The following SLC17A4 variants were observed in gnomAD, a reference collection of about 807,000 sequenced individuals.
SLC17A4 encodes solute carrier family 17 member 4.
In SLC17A4, 33 loss-of-function variants were observed where a neutral mutation model predicts 52.5. The ratio of observed to expected loss-of-function variants is 0.63; its 90% CI spans 0.48 to 0.84. SLC17A4 has a LOEUF of 0.84. Among genes scored for constraint, SLC17A4 ranks in the 40% least tolerant of loss-of-function variants. The pLI, the probability that SLC17A4 is intolerant of heterozygous loss-of-function variation, is 0.00. For missense variants in SLC17A4, 585 were observed against 597.1 expected, an observed-to-expected ratio of 0.98 and a Z score of 0.21; for synonymous variants, 225 against 216.2, an observed-to-expected ratio of 1.04 and a Z score of -0.36.
At chr6:25,762,157 A>G in intron 2 of SLC17A4, 104 bp downstream of exon 2, 1 of 932,628 alleles carries the variant, frequency 1.1e-6, no homozygotes, top group Non-Finnish European at 1.6e-6. Flanking sequence ...TTTTGTTGAT[A>G]CACATCATTT....
chr6:25,767,172 C>G (rs1229460444), intron 2 of SLC17A4, among the ~76,000 whole-genome samples: 1 of 152,054 alleles, frequency 6.6e-6, no homozygotes, highest in Admixed American at 6.6e-5. Flanking sequence ...AAGCTTATAA[C>G]TTTTAAAAAA....
chr6:25,768,467 T>G, intron 2 of SLC17A4: 1 of 774,386 alleles, frequency 1.3e-6, no homozygotes, highest in South Asian at 5.7e-5. Context: ...AAGATGAAGT[T>G]TAAATACTTC....
intron 1 of SLC17A4, among the ~76,000 whole-genome samples, chr6:25,756,446 G>A (rs1389078948): frequency 6.6e-6 from 1 of 152,122 alleles, no homozygotes; most frequent in Admixed American, 6.5e-5. Context: ...TGACCTAGTT[G>A]CTGTCAATGC....
At chr6:25,778,131 C>A in intron 11 of SLC17A4, 115 bp downstream of exon 11, 1 of 642,386 alleles carries the variant, frequency 1.6e-6, no homozygotes, top group Non-Finnish European at 2.6e-6. Flanking sequence ...CAAAAATAAA[C>A]TAATTTACAT....
chr6:25,779,030 T>G (rs748442682), intron 11 of SLC17A4, 24 bp from the exon 12 acceptor site: 2 of 1,613,010 alleles, frequency 1.2e-6, no homozygotes, highest in East Asian at 4.5e-5. Context: ...TGACCGTTAA[T>G]AACTTGTAAT....
Position 25,776,653 on chromosome 6 carries a change from G to A in SLC17A4, c.1046G>A (p.Gly349Asp). 1 of 1,613,824 alleles carries A rather than the reference G, an allele frequency of 6.2e-7. No individual in the cohort carries two copies. The highest frequency in any genetic ancestry group is 8.5e-7 in the Non-Finnish European group (1 of 1,179,852). The change falls in exon 9 of 12, where the codon GGT becomes GAT. Residue 349 changes from glycine (G) to aspartate (D), a missense_variant. By Grantham distance (94) the Gly-to-Asp change is moderately conservative (BLOSUM62 -1). Coordinates refer to ENST00000377905, the MANE Select transcript of SLC17A4 (RefSeq NM_005495.3). Reference protein sequence around the residue: ...VVGCICIILGGLLADFLLSRK... With the variant: ...VVGCICIILGDLLADFLLSRK... ...GGATGTATCTGCATTATCCTTGGAG[G>A]TCTACTGGCAGACTTTCTTCTCTCC...
intron 2 of SLC17A4, chr6:25,768,430 T>C (rs1306201504): frequency 7.1e-6 from 7 of 980,262 alleles, no homozygotes; most frequent in Non-Finnish European, 8.5e-6. Context: ...CACTAGCAAA[T>C]TTTGTGTAAG....
chr6:25,776,749 G>A, intron 9 of SLC17A4, 22 bp downstream of exon 9: 1 of 1,613,886 alleles, frequency 6.2e-7, no homozygotes, highest in Non-Finnish European at 8.5e-7. Flanking sequence ...ACTGGACACA[G>A]GGGTGAACGT....
chr6:25,770,827 C>G, intron 5 of SLC17A4, 99 bp from the exon 6 acceptor site: 2 of 930,790 alleles, frequency 2.1e-6, no homozygotes, highest in Non-Finnish European at 3.5e-6. Context: ...TGGCTTGAAA[C>G]TCATACCTTC....
intron 2 of SLC17A4, chr6:25,768,523 C>A: frequency 2.5e-6 from 1 of 405,314 alleles, no homozygotes; most frequent in Non-Finnish European, 3.4e-6. Flanking sequence ...CTCTCCCCAG[C>A]CCCAGACAAG....
chr6:25,759,265 A>G (rs1171318462), intron 1 of SLC17A4, among the ~76,000 whole-genome samples: 2 of 152,126 alleles, frequency 1.3e-5, no homozygotes, highest in African/African-American at 2.4e-5. Flanking sequence ...AATAGAATGT[A>G]TATTCTGCAG....
In SLC17A4 at chr6:25,781,144, G is replaced by A. The variant is rs542927236; in HGVS notation, c.*1956G>A. On this transcript the variant is annotated 3_prime_UTR_variant, in exon 12 of 12. Coordinates refer to ENST00000377905, the MANE Select transcript of SLC17A4 (RefSeq NM_005495.3). ...TGGGAATAAGCCTTAAAGAATTCCAGTATTTAATGGTCAGCTGGAGGATGA... is the reference window on the plus strand; with the variant it reads ...TGGGAATAAGCCTTAAAGAATTCCAATATTTAATGGTCAGCTGGAGGATGA... 1 of 150,162 alleles carries A rather than the reference G, an allele frequency of 6.7e-6. No homozygotes were observed. The highest frequency in any genetic ancestry group is 2.1e-4 in the South Asian group (1 of 4,758). 9.3% of individuals were successfully genotyped at this position (150,162 alleles called of 1,614,324 possible). A position where few individuals can be genotyped will look rare whatever the true frequency, so the allele number is the denominator to read the frequency against.
Position 25,770,235 on chromosome 6 carries a change from C to A in SLC17A4, c.466C>A (p.Pro156Thr). Residue 156 changes from proline (P) to threonine (T), a missense_variant, in exon 4 of 12, where the codon CCA (proline) becomes ACA (threonine). Physicochemically the swap from Pro to Thr is conservative, Grantham distance 38 (BLOSUM62 -1). Coordinates refer to ENST00000377905, the MANE Select transcript of SLC17A4 (RefSeq NM_005495.3). ...TTCCTCATTCCTGACCCTCTTCATTCCACTGGCAGCTAATGCGGGAGTGGC... is the reference window on the plus strand; with the variant it reads ...TTCCTCATTCCTGACCCTCTTCATTACACTGGCAGCTAATGCGGGAGTGGC... ...FISSFLTLFI[P>T]LAANAGVALL... 1.2e-6 allele frequency: 2 copies of A among 1,614,118 alleles called. No homozygotes were observed. Among genetic ancestry groups the A allele is most frequent in the Non-Finnish European group, 1.7e-6 (2 of 1,179,990 alleles).
At position 25,770,370 on chromosome 6, in the gene SLC17A4, A is replaced by AT. The variant is rs1250435743; in HGVS notation, c.532-9dup. ...ATGACCTCAGATCTCCAAGAATGGA[A>AT]TTTTTCCCCCCAGGTTATGGTATTA... is the stretch of plus-strand genomic sequence containing the variant. On this transcript the variant is annotated splice_polypyrimidine_tract_variant and intron_variant, in intron 4 of 11. Coordinates refer to ENST00000377905, the MANE Select transcript of SLC17A4 (RefSeq NM_005495.3). The AT allele has an allele frequency of 1.3e-5, 21 of 1,614,000 alleles. No homozygotes were observed. Among genetic ancestry groups the AT allele is most frequent in the Non-Finnish European group, 1.8e-5 (21 of 1,179,932 alleles).
In SLC17A4 at chr6:25,770,404, G is replaced by A. The variant is rs779599106; in HGVS notation, c.552G>A (p.Gln184=). ...GIAQVMVLTG[Q]YSIWVKWAPP... The stretch of plus-strand genomic sequence containing the variant: ...CCCAGGTTATGGTATTAACTGGTCA[G>A]TATTCAATTTGGGTCAAATGGGCTC... The change falls in exon 5 of 12, where the codon CAG becomes CAA. Residue 184 remains glutamine, a synonymous_variant. Transcript: ENST00000377905. 3 of 1,614,082 alleles carry A rather than the reference G, an allele frequency of 1.9e-6. No individual in the cohort carries two copies. The South Asian group carries it at 3.3e-5, about 18-fold the overall frequency.
In SLC17A4 at chr6:25,770,950, T is replaced by A; in HGVS notation, c.644T>A (p.Val215Asp). The A allele has an allele frequency of 4.3e-6, 7 of 1,613,934 alleles. No individual in the cohort carries two copies. The highest frequency in any genetic ancestry group is 5.9e-6 in the Non-Finnish European group (7 of 1,179,854). ...GGGTCAATGCTGGGGTCCTTCATTG[T>A]TCTACTTGCTGGTGGTCTCCTCTGC... The part of the protein sequence containing the change: ...GSGSMLGSFI[V>D]LLAGGLLCQT... The change falls in exon 6 of 12, where the codon GTT becomes GAT. Residue 215 changes from valine (V) to aspartate (D), a missense_variant. Transcript: ENST00000377905.
chr6:25,773,631 C>A lies in SLC17A4; in HGVS notation c.944C>A (p.Thr315Lys). 1 of 1,613,892 alleles carries A rather than the reference C, an allele frequency of 6.2e-7. No homozygotes were observed. Among genetic ancestry groups the A allele is most frequent in the Non-Finnish European group, 8.5e-7 (1 of 1,179,846 alleles). ...CTTTTTTATACCATTATGGCGTACACACCAACGTACATCAGCTCGGTACTT... is the reference window on the plus strand; with the variant it reads ...CTTTTTTATACCATTATGGCGTACAAACCAACGTACATCAGCTCGGTACTT... The part of the protein sequence containing the change: ...YWLFYTIMAY[T>K]PTYISSVLQA... Residue 315 changes from threonine (T) to lysine (K), a missense_variant, in exon 8 of 12, where the codon ACA becomes AAA. Transcript: ENST00000377905.
chr6:25,769,138 C>G lies in SLC17A4; in HGVS notation c.245C>G (p.Ser82Cys). The change falls in exon 3 of 12, where the codon TCC becomes TGC. Residue 82 changes from serine (S) to cysteine (C), a missense_variant. Physicochemically the swap from Ser to Cys is moderately radical, Grantham distance 112. Transcript: ENST00000377905. ...SQPNASTERPSTDSQGYWNET... is the reference protein window; with the variant it reads ...SQPNASTERPCTDSQGYWNET... Reference sequence around the variant, plus strand: ...CCCAATGCTTCCACAGAACGGCCCTCCACTGACTCCCAGGGCTACTGGAAT... The same window carrying G: ...CCCAATGCTTCCACAGAACGGCCCTGCACTGACTCCCAGGGCTACTGGAAT... The G allele has an allele frequency of 1.9e-6, 3 of 1,614,080 alleles. No individual in the cohort carries two copies. The highest frequency in any genetic ancestry group is 2.5e-6 in the Non-Finnish European group (3 of 1,179,986).
chr6:25,758,078 C>A lies in SLC17A4; in HGVS notation c.-37+3297C>A, dbSNP rs112766723. 2.6e-5 allele frequency among the ~76,000 whole-genome samples: 4 copies of A among 152,316 alleles called. 1 individual carries two copies. The highest frequency in any genetic ancestry group is 9.6e-5 in the African/African-American group (4 of 41,570). Reference sequence around the variant, plus strand: ...TCACAGCCTCCAGTGTGGTGTAGACCTTTGCTGTGCTCTGCAGCCTCAGAC... The same window carrying A: ...TCACAGCCTCCAGTGTGGTGTAGACATTTGCTGTGCTCTGCAGCCTCAGAC... On this transcript the variant is annotated intron_variant, in intron 1 of 11. Transcript: ENST00000377905.
Sources: allele counts gnomAD v4.1 joint callset (sites outside exome capture counted in the v4.1 genomes callset), GRCh38; gene constraint gnomAD v4.1.1; transcripts MANE v1.5; gene names NCBI Gene and HGNC (gene_info 2026-07-23, HGNC 2026-07-21).